Variants in GTF3C5 observed in about 807,000 individuals in gnomAD.
GTF3C5 encodes the protein general transcription factor 3C polypeptide 5.
GTF3C5 carries 47 observed loss-of-function variants against 61.0 expected under a neutral mutation model. The observed-to-expected ratio is 0.77, with a 90% confidence interval of 0.61 to 0.98. The LOEUF is 0.98. GTF3C5 is among the 50% of genes least tolerant of loss of function. GTF3C5 has a pLI of 0.00. For missense variants in GTF3C5, 659 were observed against 703.3 expected (o/e 0.94, Z 0.71); for synonymous variants, 295 against 275.4 (o/e 1.07, Z -0.71).
chr9:133,034,841 T>C (rs1422655615), intron 1 of GTF3C5, among the ~76,000 whole-genome samples: 2 of 152,198 alleles, frequency 1.3e-5, no homozygotes, highest in Non-Finnish European at 2.9e-5. Context: ...TGATCTTTGT[T>C]TCAAACGTAG....
rs1830004085 is a variant in GTF3C5 at position 133,058,391 on chromosome 9, A to T, written c.*411A>T. 5.9e-6 allele frequency: 1 copy of T among 168,774 alleles called. No homozygotes were observed. The highest frequency in any genetic ancestry group is 1.3e-5 in the Non-Finnish European group (1 of 77,052). The allele number at this position is 168,774 out of a possible 1,614,324, so 10.5% of individuals were successfully genotyped here. ...GGAGATAGCGTGGGGAGCCTCGCCC[A>T]TGGTCTCACGTGGCAAGAAGTGCCT... On this transcript the variant is annotated 3_prime_UTR_variant, in exon 11 of 11. Coordinates refer to ENST00000372097, the MANE Select transcript of GTF3C5 (RefSeq NM_012087.4).
In GTF3C5 at chr9:133,034,910, G is replaced by C. The variant is rs116170057; in HGVS notation, c.153+3746G>C. On this transcript the variant is annotated intron_variant, in intron 1 of 10. Coordinates refer to ENST00000372097, the MANE Select transcript of GTF3C5 (RefSeq NM_012087.4). ...CATATAGCATTTCATAAGGGGATAA[G>C]CCAACATCTTTCCAAGGGGCAGTTC... Among the ~76,000 whole-genome samples, 1,074 of 152,270 alleles carry C rather than the reference G, an allele frequency of 7.1e-3. 12 individuals are homozygous for C. Among genetic ancestry groups the C allele is most frequent in the African/African-American group, 0.022 (900 of 41,516 alleles).
chr9:133,047,981 C>T (rs1366560590), intron 3 of GTF3C5, among the ~76,000 whole-genome samples: 1 of 152,102 alleles, frequency 6.6e-6, no homozygotes, highest in Non-Finnish European at 1.5e-5. Context: ...TTTTAAATCA[C>T]CCAAGTGTGG....
chr9:133,051,856 C>T, intron 4 of GTF3C5: 1 of 443,630 alleles, frequency 2.3e-6, no homozygotes. Flanking sequence ...TTGGCACAGG[C>T]TGGGCATGCA....
intron 1 of GTF3C5, among the ~76,000 whole-genome samples, chr9:133,037,204 A>C (rs1475207633): frequency 6.6e-6 from 1 of 152,200 alleles, no homozygotes; most frequent in East Asian, 1.9e-4. Flanking sequence ...GGGCATGCCC[A>C]AAAAGCATCT....
At chr9:133,038,199 C>G (rs1217512247) in intron 1 of GTF3C5, among the ~76,000 whole-genome samples, 1 of 152,100 alleles carries the variant, frequency 6.6e-6, no homozygotes, top group African/African-American at 2.4e-5. Context: ...GGGAGTTGAA[C>G]AAGCTGAACC....
Position 133,054,495 on chromosome 9 carries a change from G to GT in GTF3C5, c.1069+8dup. On this transcript the variant is annotated splice_region_variant and intron_variant, in intron 7 of 10. Coordinates refer to ENST00000372097, the MANE Select transcript of GTF3C5 (RefSeq NM_012087.4). ...ATCACCGTCAAGAAGACATGTAAGC[G>GT]TGCCAGGCGCCTTTTGTGGGTCATG... The GT allele has an allele frequency of 3.1e-6, 5 of 1,613,224 alleles. No individual in the cohort carries two copies. The highest frequency in any genetic ancestry group is 4.2e-6 in the Non-Finnish European group (5 of 1,179,206).
intron 4 of GTF3C5, chr9:133,051,855 G>T: frequency 2.3e-6 from 1 of 440,170 alleles, no homozygotes; most frequent in Non-Finnish European, 4.0e-6. Context: ...CTTGGCACAG[G>T]CTGGGCATGC....
intron 3 of GTF3C5, among the ~76,000 whole-genome samples, chr9:133,047,446 C>G (rs926913871): frequency 6.6e-6 from 1 of 152,020 alleles, no homozygotes; most frequent in Non-Finnish European, 1.5e-5. Flanking sequence ...AAAACTGTTG[C>G]ACATAGAATG....
intron 5 of GTF3C5, among the ~76,000 whole-genome samples, chr9:133,053,334 C>T (rs548741636): frequency 9.2e-5 from 14 of 152,242 alleles, no homozygotes; most frequent in Admixed American, 6.5e-4. Context: ...CCTAGAATCC[C>T]GGTACTTCGG....
rs180907739 is a variant in GTF3C5, at chr9:133,052,740, G to T, written c.873+576G>T. The stretch of plus-strand genomic sequence containing the variant: ...CTGTGAGGGTCTGCAACAGGCAGTA[G>T]GACACAAGAAAGACTCATTTCTTCT... On this transcript the variant is annotated intron_variant, in intron 5 of 10. Transcript: ENST00000372097. 2.2e-4 allele frequency among the ~76,000 whole-genome samples: 34 copies of T among 152,328 alleles called. 1 individual carries two copies. The highest frequency in any genetic ancestry group is 8.2e-4 in the African/African-American group (34 of 41,576).
chr9:133,043,315 C>G (rs1040959363), intron 2 of GTF3C5, among the ~76,000 whole-genome samples: 1 of 152,210 alleles, frequency 6.6e-6, no homozygotes, highest in African/African-American at 2.4e-5. Context: ...GTGTGTGTCT[C>G]TGGACTGGCA....
intron 1 of GTF3C5, among the ~76,000 whole-genome samples, chr9:133,040,490 T>C (rs1442782797): frequency 6.6e-6 from 1 of 152,242 alleles, no homozygotes; most frequent in Middle Eastern, 3.2e-3. Context: ...AGCTGTGCTT[T>C]ATAGATATTT....
At position 133,056,762 on chromosome 9, in the gene GTF3C5, C is replaced by T. The variant is rs201152861; in HGVS notation, c.1251-4C>T. 6.3e-7 allele frequency: 1 copy of T among 1,596,082 alleles called. No individual in the cohort carries two copies. The highest frequency in any genetic ancestry group is 8.5e-7 in the Non-Finnish European group (1 of 1,170,684). On this transcript the variant is annotated splice_polypyrimidine_tract_variant and splice_region_variant and intron_variant, in intron 9 of 10. Transcript: ENST00000372097. Reference sequence around the variant, plus strand: ...TTATGTCCCAACCCTCTCCCCACCCCCAGGTTGCAGAAGATCATTCACCGC... The same window carrying T: ...TTATGTCCCAACCCTCTCCCCACCCTCAGGTTGCAGAAGATCATTCACCGC...
At chr9:133,049,333 C>T (rs1237273060) in intron 3 of GTF3C5, among the ~76,000 whole-genome samples, 2 of 152,242 alleles carry the variant, frequency 1.3e-5, no homozygotes, top group Admixed American at 1.3e-4. Flanking sequence ...TAGTGCTGAC[C>T]TGTCCCGTGC....
intron 3 of GTF3C5, among the ~76,000 whole-genome samples, chr9:133,050,542 G>T (rs879738961): frequency 2.2e-4 from 34 of 152,202 alleles, no homozygotes; most frequent in Non-Finnish European, 3.5e-4. Flanking sequence ...CCCAGTTTGA[G>T]AGCTGCAGGC....
chr9:133,051,172 G>A (rs1002824899), intron 4 of GTF3C5, among the ~76,000 whole-genome samples, 194 bp downstream of exon 4: 6 of 152,224 alleles, frequency 3.9e-5, no homozygotes, highest in African/African-American at 1.4e-4. Flanking sequence ...CATTCCCAAG[G>A]TTGAAAATGC....
chr9:133,032,027 G>C (rs1849748126), intron 1 of GTF3C5, among the ~76,000 whole-genome samples: 1 of 152,108 alleles, frequency 6.6e-6, no homozygotes. Context: ...TGACATATTG[G>C]TTCTTTGAAA....
chr9:133,050,280 C>A (rs1023092320), intron 3 of GTF3C5, among the ~76,000 whole-genome samples: 4 of 152,156 alleles, frequency 2.6e-5, no homozygotes, highest in Admixed American at 1.3e-4. Flanking sequence ...TTAGTTTGAG[C>A]GTTAAATAAG....
Sources: gnomAD v4.1 joint callset for allele counts (sites outside exome capture counted in the v4.1 genomes callset) on GRCh38, gnomAD v4.1.1 for gene constraint, MANE v1.5 for transcripts, NCBI Gene and HGNC (gene_info 2026-07-23, HGNC 2026-07-21) for gene names.